PTGR2: variants seen among roughly 807,000 people sequenced by gnomAD.
The protein encoded by PTGR2 is prostaglandin reductase 2.
A neutral mutation model predicts 43.4 loss-of-function variants in PTGR2; 32 were observed. The observed-to-expected ratio is 0.74, with a 90% CI of 0.56 to 0.99. The LOEUF is 0.99. Ranked by LOEUF, PTGR2 falls within the 50% of genes least tolerant of loss-of-function variation. PTGR2 has a pLI of 0.00. For missense variants in PTGR2, 373 were observed against 420.0 expected, an observed-to-expected ratio of 0.89 and a Z score of 0.98; for synonymous variants, 106 against 139.2, an observed-to-expected ratio of 0.76 and a Z score of 1.68.
intron 1 of PTGR2, among the ~76,000 whole-genome samples, chr14:73,856,859 T>G (rs952940370): frequency 2.0e-5 from 3 of 152,234 alleles, no homozygotes; most frequent in African/African-American, 7.2e-5. Flanking sequence ...ATAGTAACAC[T>G]AAGGGCTTGA....
chr14:73,884,958 A>C lies in PTGR2; in HGVS notation c.*781A>C, dbSNP rs983540815. On this transcript the variant is annotated 3_prime_UTR_variant, in exon 10 of 10. Transcript: ENST00000555661. ...ACATACTGTCAAGTTGTAAAGATTGAGAGGGCAAACAGATGTAAACATCAC... is the reference window on the plus strand; with the variant it reads ...ACATACTGTCAAGTTGTAAAGATTGCGAGGGCAAACAGATGTAAACATCAC... 3 of 152,226 alleles carry C rather than the reference A, an allele frequency of 2.0e-5. No homozygotes were observed. The highest frequency in any genetic ancestry group is 7.2e-5 in the African/African-American group (3 of 41,446). 9.4% of individuals were successfully genotyped at this position (152,226 alleles called of 1,614,324 possible).
At chr14:73,862,620 C>T (rs763680411) in intron 3 of PTGR2, among the ~76,000 whole-genome samples, 1 of 152,072 alleles carries the variant, frequency 6.6e-6, no homozygotes, top group Non-Finnish European at 1.5e-5. Flanking sequence ...AGCAATGTAC[C>T]AATGTTAATG....
chr14:73,876,483 C>CT (rs766810794), intron 4 of PTGR2, among the ~76,000 whole-genome samples: 2,031 of 108,546 alleles, frequency 0.019, 92 homozygotes, highest in African/African-American at 0.038. Flanking sequence ...GACATAAGTC[C>CT]TTTTTTTTTT....
intron 4 of PTGR2, among the ~76,000 whole-genome samples, chr14:73,876,181 G>A (rs1292461654): frequency 6.6e-6 from 1 of 152,118 alleles, no homozygotes. Context: ...ATAAAGTATA[G>A]AATTTTAGCA....
intron 5 of PTGR2, chr14:73,878,775 A>G (rs1407108315): frequency 5.7e-6 from 2 of 348,218 alleles, no homozygotes; most frequent in South Asian, 2.6e-5. Context: ...AGGCTAAGCT[A>G]TGATGTTCAG....
rs1248212209 is a variant in PTGR2, at chr14:73,885,306, T to C, written c.*1129T>C. On this transcript the variant is annotated 3_prime_UTR_variant, in exon 10 of 10. Transcript: ENST00000555661. Reference sequence around the variant, plus strand: ...TTCCATCTCAAAAAACAAAAACAGATTGACAACAAAGACAGTTTCAGAAAA... The same window carrying C: ...TTCCATCTCAAAAAACAAAAACAGACTGACAACAAAGACAGTTTCAGAAAA... The C allele has an allele frequency of 3.9e-5, 6 of 152,028 alleles. No homozygotes were observed. The highest frequency in any genetic ancestry group is 1.9e-4 in the East Asian group (1 of 5,196). 9.4% of individuals were successfully genotyped at this position (152,028 alleles called of 1,614,324 possible). A position where few individuals can be genotyped will look rare whatever the true frequency, so the allele number is the denominator to read the frequency against.
intron 3 of PTGR2, among the ~76,000 whole-genome samples, chr14:73,863,476 G>A (rs973582210): frequency 6.6e-6 from 1 of 151,752 alleles, no homozygotes; most frequent in Non-Finnish European, 1.5e-5. Flanking sequence ...CACCATGCCC[G>A]GCTAATTAAA....
chr14:73,867,811 A>G (rs893154101), intron 3 of PTGR2, among the ~76,000 whole-genome samples: 27 of 152,158 alleles, frequency 1.8e-4, no homozygotes, highest in Admixed American at 1.6e-3. Context: ...TTCTTTCCTA[A>G]TGGGGTAGGT....
At chr14:73,860,083 G>A (rs1369595665) in intron 2 of PTGR2, among the ~76,000 whole-genome samples, 1 of 151,756 alleles carries the variant, frequency 6.6e-6, no homozygotes, top group African/African-American at 2.4e-5. Context: ...TCCTGACCTC[G>A]TGATCCACCT....
chr14:73,858,514 C>G (rs1371688061), intron 1 of PTGR2: 1 of 211,176 alleles, frequency 4.7e-6, no homozygotes, highest in Admixed American at 5.2e-5. Flanking sequence ...GATCACACCA[C>G]TGCACTCCAG....
intron 1 of PTGR2, among the ~76,000 whole-genome samples, chr14:73,855,037 AG>A (rs1271437950): frequency 6.6e-6 from 1 of 152,238 alleles, no homozygotes; most frequent in Non-Finnish European, 1.5e-5. Context: ...CTACAAGCAA[AG>A]TAATGAAGAA....
At chr14:73,873,263 C>T (rs2054779817) in intron 3 of PTGR2, among the ~76,000 whole-genome samples, 1 of 151,196 alleles carries the variant, frequency 6.6e-6, no homozygotes. Context: ...GCCTAGATCG[C>T]GTCATTGTAC....
At chr14:73,862,277 G>A (rs2054508715) in intron 3 of PTGR2, among the ~76,000 whole-genome samples, 1 of 151,454 alleles carries the variant, frequency 6.6e-6, no homozygotes. Context: ...GCGCGATCTC[G>A]GCTCACTGCA....
rs373925776 is a variant in PTGR2 at position 73,880,221 on chromosome 14, T to G, written c.851+45T>G. 1.9e-6 allele frequency: 3 copies of G among 1,600,126 alleles called. No homozygotes were observed. The African/African-American group carries it at 4.0e-5, about 21-fold the overall frequency. On this transcript the variant is annotated intron_variant, in intron 7 of 9. Coordinates refer to ENST00000555661, the MANE Select transcript of PTGR2 (RefSeq NM_001146154.2). ...CCTTATTACCAGGTTCATGGGGTTT[T>G]AAATATCATAGATGTGTATGAAATC...
intron 4 of PTGR2, among the ~76,000 whole-genome samples, chr14:73,875,969 A>C (rs1305124524): frequency 2.0e-5 from 3 of 151,404 alleles, no homozygotes; most frequent in African/African-American, 7.3e-5. Context: ...TTGGGCACCC[A>C]CCACCACACC....
intron 4 of PTGR2, among the ~76,000 whole-genome samples, chr14:73,876,763 C>T (rs147653408): frequency 4.6e-4 from 70 of 152,196 alleles, no homozygotes; most frequent in African/African-American, 1.6e-3. Context: ...AGATGTGAGC[C>T]ACTGTGCCCG....
intron 1 of PTGR2, chr14:73,858,338 G>A (rs146758197): frequency 0.012 from 1,762 of 152,850 alleles, 20 homozygotes; most frequent in Non-Finnish European, 0.017. Context: ...AGATCACGAG[G>A]TCAGGAGATT....
At chr14:73,853,239 C>T (rs1211869731) in intron 1 of PTGR2, among the ~76,000 whole-genome samples, 2 of 152,086 alleles carry the variant, frequency 1.3e-5, no homozygotes, top group Admixed American at 6.6e-5. Context: ...TAGCAGGTGC[C>T]GTGTTGGAGT....
At position 73,877,085 on chromosome 14, in the gene PTGR2, G is replaced by T; in HGVS notation, c.436G>T (p.Glu146Ter). 6.2e-7 allele frequency: 1 copy of T among 1,613,940 alleles called. No homozygotes were observed. The highest frequency in any genetic ancestry group is 1.1e-5 in the South Asian group (1 of 91,072). Reference protein sequence around the residue: ...PGLTSLIGIQEKGHITAGSNK... With the variant: ...PGLTSLIGIQ ...TTTGACTTCCTTGATTGGGATACAG[G>T]AAAAAGGTCATATAACTGCTGGATC... Residue 146 changes from glutamate (E) to a stop codon, truncating the protein, a stop_gained, in exon 5 of 10, where the codon GAA (glutamate) becomes TAA (stop). Coordinates refer to ENST00000555661, the MANE Select transcript of PTGR2 (RefSeq NM_001146154.2). LOFTEE classifies it high-confidence loss of function.
Sources: allele counts gnomAD v4.1 joint callset (sites outside exome capture counted in the v4.1 genomes callset), GRCh38; gene constraint gnomAD v4.1.1; transcripts MANE v1.5; gene names NCBI Gene and HGNC (gene_info 2026-07-23, HGNC 2026-07-21).